Variants in PCDHA2 observed in about 807,000 individuals in gnomAD.
PCDHA2 encodes the protein protocadherin alpha 2.
Under a neutral mutation model 66.0 loss-of-function variants are expected in PCDHA2, and 58 were observed. The ratio of observed to expected loss-of-function variants is 0.88; its 90% CI spans 0.71 to 1.09. The LOEUF is 1.09. Among genes scored for constraint, PCDHA2 ranks in the 50% least tolerant of loss-of-function variants. The probability of loss-of-function intolerance (pLI) is 0.00; values close to 1 mark genes in which losing one functional copy is unlikely to be tolerated. For synonymous variants in PCDHA2, 634 were observed against 554.0 expected, an observed-to-expected ratio of 1.14 and a Z score of -2.03; for missense variants, 1,267 against 1,242.3, an observed-to-expected ratio of 1.02 and a Z score of -0.30.
intron 1 of PCDHA2, chr5:140,930,355 C>G (rs1044171600): frequency 6.6e-6 from 1 of 151,448 alleles, no homozygotes; most frequent in Non-Finnish European, 1.5e-5. Context: ...TCAAATATTT[C>G]AATTTATCTG....
chr5:140,865,649 T>C (rs781986812), intron 1 of PCDHA2: 5 of 152,204 alleles, frequency 3.3e-5, no homozygotes, highest in Non-Finnish European at 5.9e-5. Flanking sequence ...AATACATTAT[T>C]TCATTTAATA....
chr5:140,938,807 A>G (rs1253557528), intron 1 of PCDHA2, among the ~76,000 whole-genome samples: 1 of 152,020 alleles, frequency 6.6e-6, no homozygotes, highest in Non-Finnish European at 1.5e-5. Context: ...GGTACCACAA[A>G]CCCCTGTGAC....
At chr5:140,878,451 T>A (rs2057595888) in intron 1 of PCDHA2, among the ~76,000 whole-genome samples, 1 of 152,250 alleles carries the variant, frequency 6.6e-6, no homozygotes, top group Non-Finnish European at 1.5e-5. Context: ...CTTATTTACA[T>A]GAAATATAAT....
intron 1 of PCDHA2, among the ~76,000 whole-genome samples, chr5:140,820,020 T>G (rs1330576883): frequency 2.0e-5 from 3 of 152,036 alleles, no homozygotes; most frequent in African/African-American, 7.2e-5. Context: ...ATTCCATAGC[T>G]TTGTAGTTTT....
intron 1 of PCDHA2, among the ~76,000 whole-genome samples, chr5:140,921,468 C>T (rs886501347): frequency 3.3e-5 from 5 of 152,182 alleles, no homozygotes; most frequent in African/African-American, 1.2e-4. Flanking sequence ...GCAACCACTA[C>T]CAAACCACTC....
At chr5:140,802,410 T>C (rs1554122105) in intron 1 of PCDHA2, 1 of 1,614,228 alleles carries the variant, frequency 6.2e-7, no homozygotes, top group Non-Finnish European at 8.5e-7. Context: ...CAAGAATTAC[T>C]ACTCATTGGT....
chr5:140,897,877 C>T (rs1554187641), intron 1 of PCDHA2, among the ~76,000 whole-genome samples: 1 of 152,154 alleles, frequency 6.6e-6, no homozygotes, highest in Non-Finnish European at 1.5e-5. Flanking sequence ...TAATGATTGC[C>T]ATTCTAACTG....
chr5:140,923,219 CGTTTGAGCCCAGAA>C (rs6149268), intron 1 of PCDHA2, among the ~76,000 whole-genome samples: 47,935 of 151,966 alleles, frequency 0.32, 7,912 homozygotes, highest in East Asian at 0.52. Context: ...GTGAAAGGAT[CGTTTGAGCCCAGAA>C]GTTTGAGACC....
At chr5:140,870,660 G>A (rs782219391) in intron 1 of PCDHA2, 3 of 1,612,516 alleles carry the variant, frequency 1.9e-6, no homozygotes, top group Non-Finnish European at 2.5e-6. Context: ...TGTACGCGCT[G>A]CAGCCGTTGG....
intron 1 of PCDHA2, chr5:140,929,259 G>A (rs782558603): frequency 4.7e-5 from 76 of 1,612,754 alleles, no homozygotes; most frequent in Non-Finnish European, 6.2e-5. Context: ...GGGTAGGACT[G>A]AATTTGCCAA....
chr5:140,985,202 G>A (rs1554246846), intron 3 of PCDHA2, among the ~76,000 whole-genome samples: 1 of 152,204 alleles, frequency 6.6e-6, no homozygotes, highest in Non-Finnish European at 1.5e-5. Flanking sequence ...CTCCCAAAGT[G>A]TTGGGATTAC....
Position 141,010,042 on chromosome 5 carries a change from TAGAGACCTCAG to T in PCDHA2, c.*107_*117del. ...TTTTTCCTATCTACATGAGCCCTCTTAGAGACCTCAGAAATCTGCAGAAAGTTCCCTGTGTC... is the reference window on the plus strand; with the variant it reads ...TTTTTCCTATCTACATGAGCCCTCTTAAATCTGCAGAAAGTTCCCTGTGTC... On this transcript the variant is annotated 3_prime_UTR_variant, in exon 4 of 4. Transcript: ENST00000526136. 6.3e-7 allele frequency: 1 copy of T among 1,594,374 alleles called. No individual in the cohort carries two copies. The highest frequency in any genetic ancestry group is 1.2e-5 in the South Asian group (1 of 86,942).
intron 1 of PCDHA2, chr5:140,849,282 C>T: frequency 8.4e-7 from 1 of 1,191,290 alleles, no homozygotes; most frequent in Non-Finnish European, 1.2e-6. Context: ...GCTGGTGATT[C>T]ACCCCAATGC....
chr5:140,827,955 C>G, intron 1 of PCDHA2: 1 of 1,286,520 alleles, frequency 7.8e-7, no homozygotes, highest in South Asian at 1.5e-5. Flanking sequence ...ATTCAAATTT[C>G]TTCTATTACT....
At chr5:140,876,478 G>T in intron 1 of PCDHA2, 1 of 1,614,032 alleles carries the variant, frequency 6.2e-7, no homozygotes, top group Non-Finnish European at 8.5e-7. Flanking sequence ...TCACAGCATG[G>T]TCCTGGTGGA....
chr5:140,973,329 G>A (rs1303671094), intron 1 of PCDHA2, among the ~76,000 whole-genome samples: 6 of 152,112 alleles, frequency 3.9e-5, no homozygotes, highest in Non-Finnish European at 7.3e-5. Flanking sequence ...GTTTACACTC[G>A]TTGTAAAGTG....
rs1554120056 is a variant in PCDHA2, at chr5:140,796,695, G to C, written c.1731G>C (p.Val577=). 3 of 1,613,990 alleles carry C rather than the reference G, an allele frequency of 1.9e-6. No homozygotes were observed. Among genetic ancestry groups the C allele is most frequent in the Admixed American group, 1.7e-5 (1 of 60,012 alleles). ...APRAGTAAGA[V]SELVPWSVGA... is the part of the protein sequence containing the mutation. ...GGGCTGGCACCGCTGCTGGCGCAGT[G>C]AGTGAGCTGGTGCCGTGGTCGGTGG... The change falls in exon 1 of 4, where the codon GTG becomes GTC. Residue 577 remains valine (V), a synonymous_variant. Transcript: ENST00000526136.
At position 140,796,839 on chromosome 5, in the gene PCDHA2, G is replaced by T. The variant is rs782045457; in HGVS notation, c.1875G>T (p.Gly625=). 6.2e-7 allele frequency: 1 copy of T among 1,614,100 alleles called. No individual in the cohort carries two copies. Among genetic ancestry groups the T allele is most frequent in the Non-Finnish European group, 8.5e-7 (1 of 1,179,980 alleles). Residue 625 remains glycine, a synonymous_variant, in exon 1 of 4, where the codon GGG becomes GGT. Transcript: ENST00000526136. ...TGSARIPFRV[G]LYTGEISTTR... ...GCGCTCGCATCCCGTTCCGCGTGGG[G>T]CTATACACGGGTGAGATCAGCACGA...
chr5:141,002,873 G>C (rs780574639), intron 3 of PCDHA2, among the ~76,000 whole-genome samples: 44 of 152,148 alleles, frequency 2.9e-4, no homozygotes, highest in Admixed American at 2.6e-4. Context: ...AAGTCCTCAA[G>C]AACAGAAAGA....
Sources: allele counts gnomAD v4.1 joint callset (sites outside exome capture counted in the v4.1 genomes callset), GRCh38; gene constraint gnomAD v4.1.1; transcripts MANE v1.5; gene names NCBI Gene and HGNC (gene_info 2026-07-23, HGNC 2026-07-21).